The following TFAP2B variants were observed in gnomAD, a reference collection of about 807,000 sequenced individuals.
TFAP2B encodes the protein transcription factor AP-2 beta.
TFAP2B carries 9 observed loss-of-function variants against 44.3 expected under a neutral mutation model. That is an observed-to-expected ratio of 0.20 (90% CI 0.12 to 0.35). TFAP2B has a LOEUF of 0.35. TFAP2B is among the 10% of genes least tolerant of loss of function. The probability of loss-of-function intolerance (pLI) is 1.00; values close to 1 mark genes in which losing one functional copy is unlikely to be tolerated. For synonymous variants in TFAP2B, 270 were observed against 263.8 expected, an observed-to-expected ratio of 1.02 and a Z score of -0.23; for missense variants, 509 against 600.0, an observed-to-expected ratio of 0.85 and a Z score of 1.59.
At chr6:50,834,763 G>T (rs1762586012) in intron 3 of TFAP2B, among the ~76,000 whole-genome samples, 1 of 152,192 alleles carries the variant, frequency 6.6e-6, no homozygotes, top group Non-Finnish European at 1.5e-5. Flanking sequence ...TTATCAAATA[G>T]GTAGGGTTGG....
At chr6:50,839,264 G>T (rs1268820923) in intron 5 of TFAP2B, among the ~76,000 whole-genome samples, 1 of 152,172 alleles carries the variant, frequency 6.6e-6, no homozygotes, top group Non-Finnish European at 1.5e-5. Context: ...TCCAATATTT[G>T]TTTGGCAGTT....
At chr6:50,836,664 C>A (rs1762629649) in intron 4 of TFAP2B, among the ~76,000 whole-genome samples, 1 of 152,158 alleles carries the variant, frequency 6.6e-6, no homozygotes, top group African/African-American at 2.4e-5. Flanking sequence ...CCCCCAGCCC[C>A]CCCACAAAAA....
chr6:50,841,051 T>C (rs987132715), intron 6 of TFAP2B, among the ~76,000 whole-genome samples: 2 of 152,230 alleles, frequency 1.3e-5, no homozygotes, highest in African/African-American at 4.8e-5. Context: ...AAGAAATATA[T>C]GGAAGGCTGA....
Position 50,844,157 on chromosome 6 carries a change from G to A in TFAP2B, c.*765G>A, listed in dbSNP as rs986346611. On this transcript the variant is annotated 3_prime_UTR_variant, in exon 7 of 7. Coordinates refer to ENST00000393655, the MANE Select transcript of TFAP2B (RefSeq NM_003221.4). ...AGGTTCTGGCGGCTGAGGAAAATCC[G>A]GACCAATAAGTTGATTCAAACATCA... is the stretch of plus-strand genomic sequence containing the variant. 1.6e-4 allele frequency: 24 copies of A among 152,270 alleles called. No individual in the cohort carries two copies. Among genetic ancestry groups the A allele is most frequent in the African/African-American group, 5.8e-4 (24 of 41,548 alleles). The allele number at this position is 152,270 out of a possible 1,614,324, so 9.4% of individuals were successfully genotyped here. A position where few individuals can be genotyped will look rare whatever the true frequency, so the allele number is the denominator to read the frequency against.
In TFAP2B at chr6:50,843,099, T is replaced by A; in HGVS notation, c.1090T>A (p.Cys364Ser). 1 of 1,614,260 alleles carries A rather than the reference T, an allele frequency of 6.2e-7. No homozygotes were observed. The highest frequency in any genetic ancestry group is 8.5e-7 in the Non-Finnish European group (1 of 1,180,046). The change falls in exon 7 of 7, where the codon TGT (cysteine) becomes AGT (serine). Residue 364 changes from cysteine (C) to serine (S), a missense_variant. Physicochemically the swap from Cys to Ser is moderately radical, Grantham distance 112. This residue lies in a region of TFAP2B where 168 missense variants were observed against 183.2 expected (regional missense o/e 0.92). Transcript: ENST00000393655. Reference protein sequence around the residue: ...KNMLLATKQLCKEFTDLLAQD... With the variant: ...KNMLLATKQLSKEFTDLLAQD... ...TCGCCCACCCCTTTGCAGGCAACTT[T>A]GTAAAGAATTTACGGATCTACTGGC...
chr6:50,836,234 C>T lies in TFAP2B; in HGVS notation c.775C>T (p.Pro259Ser), dbSNP rs1028724574. 6.8e-6 allele frequency: 11 copies of T among 1,612,732 alleles called. No homozygotes were observed. In the Admixed American group the frequency reaches 1.5e-4, roughly 22 times the overall value. The stretch of plus-strand genomic sequence containing the variant: ...GGGAGAAGTTCAGAGACGGCTGTCG[C>T]CCCCTGAATGCCTCAATGCATCTCT... ...TVGEVQRRLS[P>S]PECLNASLLG... The change falls in exon 4 of 7, where the codon CCC (proline) becomes TCC (serine). Residue 259 changes from proline to serine, a missense_variant. Physicochemically the swap from Pro to Ser is moderately conservative, Grantham distance 74. Around this residue, in one of 3 missense-constraint regions of TFAP2B, gnomAD observed 45 missense variants for 108.6 expected, o/e 0.41. Coordinates refer to ENST00000393655, the MANE Select transcript of TFAP2B (RefSeq NM_003221.4).
intron 2 of TFAP2B, among the ~76,000 whole-genome samples, chr6:50,825,346 TA>T (rs1770474118): frequency 6.6e-6 from 1 of 152,106 alleles, no homozygotes; most frequent in African/African-American, 2.4e-5. Context: ...GAAAAGTTTT[TA>T]AATTAACCTT....
intron 5 of TFAP2B, among the ~76,000 whole-genome samples, chr6:50,839,695 T>C (rs1044486564): frequency 2.0e-5 from 3 of 152,236 alleles, no homozygotes; most frequent in Non-Finnish European, 4.4e-5. Context: ...GTTTAATATA[T>C]GTGGACATAT....
chr6:50,828,677 A>G lies in TFAP2B; in HGVS notation c.599A>G (p.Lys200Arg). The change falls in exon 3 of 7, where the codon AAA becomes AGA. Residue 200 changes from lysine (K) to arginine (R), a missense_variant and splice_region_variant. Transcript: ENST00000393655. ...MNLLDQSVIK[K>R]VPVPPKSVTS... ...CTATTGGACCAGTCTGTCATTAAAA[A>G]AGGTATGGATAATTCCCCCCAAAAA... 1 of 1,614,092 alleles carries G rather than the reference A, an allele frequency of 6.2e-7. No homozygotes were observed. The highest frequency in any genetic ancestry group is 8.5e-7 in the Non-Finnish European group (1 of 1,179,970).
At chr6:50,842,969 C>A in intron 6 of TFAP2B, 123 bp from the exon 7 acceptor site, 4 of 1,302,370 alleles carry the variant, frequency 3.1e-6, no homozygotes, top group Non-Finnish European at 3.3e-6. Context: ...AGAGCGGAAT[C>A]GCCCACATTA....
chr6:50,837,927 T>C (rs780061822), intron 4 of TFAP2B, 48 bp from the exon 5 acceptor site: 2 of 1,467,628 alleles, frequency 1.4e-6, no homozygotes, highest in Admixed American at 3.3e-5. Flanking sequence ...AAACTTTGTT[T>C]CAGGAACACT....
chr6:50,819,012 A>G (rs747948496), intron 1 of TFAP2B, 40 bp downstream of exon 1: 3 of 1,579,326 alleles, frequency 1.9e-6, no homozygotes, highest in South Asian at 2.2e-5. Flanking sequence ...AGCTTTGCAG[A>G]TAGAGAATTT....
chr6:50,843,125 G>A lies in TFAP2B; in HGVS notation c.1116G>A (p.Ala372=), dbSNP rs765100874. The A allele has an allele frequency of 2.5e-6, 4 of 1,614,216 alleles. No individual in the cohort carries two copies. In the South Asian group the frequency reaches 3.3e-5, roughly 13 times the overall value. Residue 372 remains alanine, a synonymous_variant, in exon 7 of 7, where the codon GCG becomes GCA. Coordinates refer to ENST00000393655, the MANE Select transcript of TFAP2B (RefSeq NM_003221.4). ...GTAAAGAATTTACGGATCTACTGGCGCAGGACCGGACACCGATAGGGAACA... is the reference window on the plus strand; with the variant it reads ...GTAAAGAATTTACGGATCTACTGGCACAGGACCGGACACCGATAGGGAACA... ...QLCKEFTDLL[A]QDRTPIGNSR... is the part of the protein sequence containing the mutation.
At chr6:50,835,310 C>T (rs1038742112) in intron 3 of TFAP2B, among the ~76,000 whole-genome samples, 22 of 152,322 alleles carry the variant, frequency 1.4e-4, no homozygotes, top group South Asian at 6.2e-4. Context: ...AATCACTAGC[C>T]GGTGCTTTAA....
rs150474482 is a variant in TFAP2B, at chr6:50,847,144, C to A, written c.*3752C>A. The A allele has an allele frequency of 1.2e-4, 18 of 152,388 alleles. No homozygotes were observed. The highest frequency in any genetic ancestry group is 3.9e-4 in the African/African-American group (16 of 41,364). 9.4% of individuals were successfully genotyped at this position (152,388 alleles called of 1,614,324 possible). A position where few individuals can be genotyped will look rare whatever the true frequency, so the allele number is the denominator to read the frequency against. On this transcript the variant is annotated 3_prime_UTR_variant, in exon 7 of 7. Transcript: ENST00000393655. The stretch of plus-strand genomic sequence containing the variant: ...TCTGATGTTGCCTCAAGAGCCCAAA[C>A]GGCGTTTCCCCACCTTTGACGATGT...
intron 3 of TFAP2B, among the ~76,000 whole-genome samples, chr6:50,830,473 G>A (rs988851038): frequency 1.1e-4 from 17 of 152,078 alleles, no homozygotes; most frequent in African/African-American, 3.9e-4. Context: ...TAAAGTTGAT[G>A]GTTCTGTTTT....
At position 50,836,216 on chromosome 6, in the gene TFAP2B, G is replaced by A; in HGVS notation, c.757G>A (p.Val253Ile). 2 of 1,613,420 alleles carry A rather than the reference G, an allele frequency of 1.2e-6. No homozygotes were observed. The highest frequency in any genetic ancestry group is 8.5e-7 in the Non-Finnish European group (1 of 1,180,048). ...GAAGTACAAAGTAACTGTGGGAGAA[G>A]TTCAGAGACGGCTGTCGCCCCCTGA... Reference protein sequence around the residue: ...TSKYKVTVGEVQRRLSPPECL... With the variant: ...TSKYKVTVGEIQRRLSPPECL... The change falls in exon 4 of 7, where the codon GTT (valine) becomes ATT (isoleucine). Residue 253 changes from valine (V) to isoleucine (I), a missense_variant. Physicochemically the swap from Val to Ile is conservative, Grantham distance 29 (BLOSUM62 3). Around this residue, in one of 3 missense-constraint regions of TFAP2B, gnomAD observed 45 missense variants for 108.6 expected, o/e 0.41. Coordinates refer to ENST00000393655, the MANE Select transcript of TFAP2B (RefSeq NM_003221.4).
chr6:50,826,475 C>G (rs1457395111), intron 2 of TFAP2B, among the ~76,000 whole-genome samples: 1 of 152,038 alleles, frequency 6.6e-6, no homozygotes, highest in African/African-American at 2.4e-5. Context: ...AAAACCCTGT[C>G]AATTTCTATT....
At chr6:50,832,769 A>C (rs923704193) in intron 3 of TFAP2B, among the ~76,000 whole-genome samples, 1 of 152,242 alleles carries the variant, frequency 6.6e-6, no homozygotes, top group African/African-American at 2.4e-5. Flanking sequence ...TTAAGTTTAA[A>C]GAGTAGAGAT....
Sources: gnomAD v4.1 joint callset for allele counts (sites outside exome capture counted in the v4.1 genomes callset) on GRCh38, gnomAD v4.1.1 for gene constraint, gnomAD v4.1.1 regional missense constraint, MANE v1.5 for transcripts, NCBI Gene and HGNC (gene_info 2026-07-23, HGNC 2026-07-21) for gene names.